SNX24: variants seen among roughly 807,000 people sequenced by gnomAD.
SNX24 encodes sorting nexin-24.
SNX24 carries 22 observed loss-of-function variants against 28.7 expected under a neutral mutation model. That is an observed-to-expected ratio of 0.77 (90% CI 0.55 to 1.10). SNX24 has a LOEUF of 1.10. Among genes scored for constraint, SNX24 ranks in the 50% least tolerant of loss-of-function variants. The pLI, the probability that SNX24 is intolerant of heterozygous loss-of-function variation, is 0.00. For synonymous variants in SNX24, 69 were observed against 71.5 expected (o/e 0.96, Z 0.18); for missense variants, 221 against 201.1 (o/e 1.10, Z -0.60).
intron 1 of SNX24, among the ~76,000 whole-genome samples, chr5:122,918,853 T>A (rs1308708973): frequency 6.6e-6 from 1 of 152,234 alleles, no homozygotes; most frequent in African/African-American, 2.4e-5. Flanking sequence ...TGAATAAAGT[T>A]TAAGTGAGGG....
chr5:122,878,979 A>G (rs1756356045), intron 1 of SNX24, among the ~76,000 whole-genome samples: 1 of 152,084 alleles, frequency 6.6e-6, no homozygotes, highest in Non-Finnish European at 1.5e-5. Flanking sequence ...TAAAAATTAA[A>G]AAAAAGAAAT....
At chr5:122,936,849 C>T (rs1561624058) in intron 2 of SNX24, 32 bp downstream of exon 2, 1 of 1,382,744 alleles carries the variant, frequency 7.2e-7, no homozygotes, top group South Asian at 1.2e-5. Context: ...TGTCTTTTCT[C>T]TATGTGGCAG....
intron 1 of SNX24, among the ~76,000 whole-genome samples, chr5:122,876,653 G>A (rs770041223): frequency 3.9e-5 from 6 of 152,188 alleles, no homozygotes; most frequent in Non-Finnish European, 8.8e-5. Flanking sequence ...GGAGTTTTTA[G>A]TTTAGCTCTG....
chr5:122,845,847 C>T (rs1364153311), intron 1 of SNX24, among the ~76,000 whole-genome samples, 154 bp downstream of exon 1: 1 of 151,820 alleles, frequency 6.6e-6, no homozygotes, highest in African/African-American at 2.4e-5. Context: ...GCCCTTGGCG[C>T]GGTTGTCAAG....
chr5:122,896,178 TTTTG>T (rs1457659286), intron 1 of SNX24, among the ~76,000 whole-genome samples: 1 of 151,416 alleles, frequency 6.6e-6, no homozygotes, highest in Non-Finnish European at 1.5e-5. Flanking sequence ...AGAAGCAGAG[TTTTG>T]TTTGTTTGTT....
At position 122,969,442 on chromosome 5, in the gene SNX24, C is replaced by CA. The variant is rs60244098; in HGVS notation, c.249+23293dup. 1.8e-4 allele frequency among the ~76,000 whole-genome samples: 26 copies of CA among 147,906 alleles called. 1 individual carries two copies. Among genetic ancestry groups the CA allele is most frequent in the Middle Eastern group, 7.0e-3 (2 of 284 alleles). On this transcript the variant is annotated intron_variant, in intron 3 of 6. Transcript: ENST00000261369. ...CATTTAGACAACAGATATTGGTTTTCAAAAAAAAAACTTTACTTTTTCCAC... is the reference window on the plus strand; with the variant it reads ...CATTTAGACAACAGATATTGGTTTTCAAAAAAAAAAACTTTACTTTTTCCAC...
intron 3 of SNX24, among the ~76,000 whole-genome samples, chr5:122,973,797 T>C (rs1214412557): frequency 6.6e-6 from 1 of 152,192 alleles, no homozygotes; most frequent in African/African-American, 2.4e-5. Context: ...CCAAGAGCTG[T>C]CTCTCAAAAG....
chr5:122,850,544 G>A (rs990620645), intron 1 of SNX24, among the ~76,000 whole-genome samples: 6 of 152,116 alleles, frequency 3.9e-5, no homozygotes, highest in African/African-American at 7.2e-5. Context: ...AGACTTTAGC[G>A]TTGAACATGG....
chr5:122,940,242 C>T (rs896859506), intron 2 of SNX24, among the ~76,000 whole-genome samples: 1 of 152,162 alleles, frequency 6.6e-6, no homozygotes, highest in African/African-American at 2.4e-5. Context: ...GATCCACCCA[C>T]CTCTGCCTCC....
At chr5:122,904,529 A>T (rs1214764639) in intron 1 of SNX24, among the ~76,000 whole-genome samples, 4 of 152,142 alleles carry the variant, frequency 2.6e-5, no homozygotes, top group East Asian at 3.9e-4. Context: ...TCTTTAAAAA[A>T]AATTATTTTT....
intron 3 of SNX24, among the ~76,000 whole-genome samples, chr5:122,979,868 G>A (rs1488999551): frequency 6.6e-6 from 1 of 152,158 alleles, no homozygotes; most frequent in Non-Finnish European, 1.5e-5. Flanking sequence ...TTATTCAGCG[G>A]TCCACCCGAA....
chr5:123,015,463 G>C (rs571284786), intron 5 of SNX24, among the ~76,000 whole-genome samples: 9 of 152,294 alleles, frequency 5.9e-5, no homozygotes, highest in African/African-American at 1.9e-4. Context: ...TCTCTTAAAT[G>C]TCTATTCTTT....
chr5:123,014,246 A>C (rs917066899), intron 5 of SNX24, among the ~76,000 whole-genome samples: 1 of 151,190 alleles, frequency 6.6e-6, no homozygotes, highest in Non-Finnish European at 1.5e-5. Context: ...GGCTTACTGC[A>C]GTCTCCACCT....
intron 1 of SNX24, among the ~76,000 whole-genome samples, chr5:122,910,415 C>G (rs930400119): frequency 6.6e-6 from 1 of 152,154 alleles, no homozygotes; most frequent in Non-Finnish European, 1.5e-5. Flanking sequence ...AAGGTCATCC[C>G]TACTGCTCCT....
intron 1 of SNX24, among the ~76,000 whole-genome samples, chr5:122,875,985 C>T (rs1480381163): frequency 6.6e-6 from 1 of 152,182 alleles, no homozygotes; most frequent in Admixed American, 6.5e-5. Flanking sequence ...GCTGGGATTA[C>T]AGGTGTCCGC....
intron 3 of SNX24, among the ~76,000 whole-genome samples, chr5:122,950,492 G>T (rs1330498856): frequency 3.3e-5 from 5 of 152,062 alleles, no homozygotes; most frequent in African/African-American, 1.2e-4. Flanking sequence ...GCTTCATCTG[G>T]CCCCCATAGT....
At chr5:123,011,265 C>G (rs1319653854), downstream of SNX24, among the ~76,000 whole-genome samples, 1 of 152,222 alleles carries the variant, frequency 6.6e-6, no homozygotes, top group Non-Finnish European at 1.5e-5. Flanking sequence ...ATTTGTCCTG[C>G]CTGGTTCCTG....
At chr5:122,976,711 C>G (rs1297807762) in intron 3 of SNX24, among the ~76,000 whole-genome samples, 2 of 152,228 alleles carry the variant, frequency 1.3e-5, no homozygotes, top group Non-Finnish European at 2.9e-5. Flanking sequence ...CGTGATTGAG[C>G]AAAGATTACA....
intron 1 of SNX24, among the ~76,000 whole-genome samples, chr5:122,910,045 G>T (rs1757815373): frequency 6.6e-6 from 1 of 152,148 alleles, no homozygotes; most frequent in South Asian, 2.1e-4. Context: ...TATAAATAGT[G>T]AACCATCACT....
Sources: allele counts gnomAD v4.1 joint callset (sites outside exome capture counted in the v4.1 genomes callset), GRCh38; gene constraint gnomAD v4.1.1; transcripts MANE v1.5; gene names NCBI Gene and HGNC (gene_info 2026-07-23, HGNC 2026-07-21).